The following SF1 variants were observed in gnomAD, a reference collection of about 807,000 sequenced individuals.
SF1 encodes the protein branch point-binding protein.
SF1 carries 7 observed loss-of-function variants against 62.5 expected under a neutral mutation model. That is an observed-to-expected ratio of 0.11 (90% CI 0.06 to 0.21). The LOEUF is 0.21. Among genes scored for constraint, SF1 ranks in the 10% least tolerant of loss-of-function variants. The pLI is 1.00. For missense variants in SF1, 578 were observed against 884.0 expected (o/e 0.65, Z 4.39); for synonymous variants, 394 against 323.6 (o/e 1.22, Z -2.33).
Position 64,765,574 on chromosome 11 carries a change from CAAAG to C in SF1, c.*240_*243del, listed in dbSNP as rs2058590220. 8.4e-6 allele frequency: 13 copies of C among 1,553,462 alleles called. No individual in the cohort carries two copies. The highest frequency in any genetic ancestry group is 6.9e-5 in the East Asian group (3 of 43,436). Reference sequence around the variant, plus strand: ...GAGTTGGGTGAGGAGAGAAAGAAGACAAAGAAGACACTCGATGCTACGGGGCGCC... The same window carrying C: ...GAGTTGGGTGAGGAGAGAAAGAAGACAAGACACTCGATGCTACGGGGCGCC... On this transcript the variant is annotated 3_prime_UTR_variant, in exon 13 of 13. Transcript: ENST00000377390.
chr11:64,766,366 G>A (rs1057442994), intron 12 of SF1: 3 of 584,692 alleles, frequency 5.1e-6, no homozygotes, highest in Non-Finnish European at 6.1e-6. Context: ...GCTTAACAGA[G>A]TAAGCCCTTT....
Position 64,765,443 on chromosome 11 carries a change from G to T in SF1, c.*375C>A. On this transcript the variant is annotated 3_prime_UTR_variant, in exon 13 of 13. Transcript: ENST00000377390. ...ACCAGGGGCGTTGCTGAGGCTGTCTGCCTGGAAGGGTCACCAATGGGCGCG... is the reference window on the plus strand; with the variant it reads ...ACCAGGGGCGTTGCTGAGGCTGTCTTCCTGGAAGGGTCACCAATGGGCGCG... 6.2e-7 allele frequency: 1 copy of T among 1,600,644 alleles called. No individual in the cohort carries two copies. The highest frequency in any genetic ancestry group is 8.6e-7 in the Non-Finnish European group (1 of 1,167,920).
rs924539463 is a variant in SF1 at position 64,778,506 on chromosome 11, C to T, written c.-114G>A. The T allele has an allele frequency of 1.1e-4, 133 of 1,192,126 alleles. No individual in the cohort carries two copies. Among genetic ancestry groups the T allele is most frequent in the Non-Finnish European group, 1.3e-4 (123 of 962,392 alleles). The allele number at this position is 1,192,126 out of a possible 1,614,324, so 73.8% of individuals were successfully genotyped here. A position where few individuals can be genotyped will look rare whatever the true frequency, so the allele number is the denominator to read the frequency against. On this transcript the variant is annotated 5_prime_UTR_variant, in exon 1 of 13. Coordinates refer to ENST00000377390, the MANE Select transcript of SF1 (RefSeq NM_004630.4). ...CGCTGCCGGAGCGCGCGGAGCCCGT[C>T]CTCTCACGCGGCGGGCGGCGGCGGC...
chr11:64,778,175 G>C (rs1456675009), intron 1 of SF1, 187 bp downstream of exon 1: 2 of 936,272 alleles, frequency 2.1e-6, no homozygotes, highest in Non-Finnish European at 2.7e-6. Flanking sequence ...GGGCGGCGGC[G>C]GAGGCGGCGG....
chr11:64,766,159 G>T lies in SF1; in HGVS notation c.1583-4C>A. 1 of 1,602,990 alleles carries T rather than the reference G, an allele frequency of 6.2e-7. No homozygotes were observed. On this transcript the variant is annotated splice_region_variant and splice_polypyrimidine_tract_variant and intron_variant, in intron 12 of 12. Transcript: ENST00000377390. ...CTCGTGGTGGTAGTCGTCGTATCTG[G>T]GGTGGTAAAGAAGCCCAAGGTCACA...
chr11:64,765,789 TATA>T lies in SF1; in HGVS notation c.*26_*28del. ...TTAAACGAGACCAATTCTCTCTATA[TATA>T]ATATATATTTTCTTAAAAAACAAGT... On this transcript the variant is annotated 3_prime_UTR_variant, in exon 13 of 13. Transcript: ENST00000377390. 1 of 1,519,168 alleles carries T rather than the reference TATA, an allele frequency of 6.6e-7. No individual in the cohort carries two copies. Among genetic ancestry groups the T allele is most frequent in the Non-Finnish European group, 8.8e-7 (1 of 1,135,478 alleles). The allele number at this position is 1,519,168 out of a possible 1,614,324, so 94.1% of individuals were successfully genotyped here. A position where few individuals can be genotyped will look rare whatever the true frequency, so the allele number is the denominator to read the frequency against.
intron 2 of SF1, 125 bp from the exon 3 acceptor site, chr11:64,773,630 T>C (rs1938660759): frequency 9.2e-7 from 1 of 1,092,134 alleles, no homozygotes; most frequent in Non-Finnish European, 1.3e-6. Context: ...GACTGATCAG[T>C]GAACACATTG....
intron 2 of SF1, 77 bp from the exon 3 acceptor site, chr11:64,773,582 A>C: frequency 6.7e-7 from 1 of 1,492,986 alleles, no homozygotes; most frequent in Non-Finnish European, 9.0e-7. Flanking sequence ...TCAAATCTCA[A>C]CAACAAGCAT....
rs755241821 is a variant in SF1 at position 64,765,926 on chromosome 11, C to CGGA, written c.1809_1811dup (p.Pro606dup). 6.1e-6 allele frequency: 9 copies of CGGA among 1,485,988 alleles called. No homozygotes were observed. In the South Asian group the frequency reaches 9.5e-5, roughly 16 times the overall value. The allele number at this position is 1,485,988 out of a possible 1,614,324, so 92.1% of individuals were successfully genotyped here. A position where few individuals can be genotyped will look rare whatever the true frequency, so the allele number is the denominator to read the frequency against. ...CAAAGTTAGAAGGGTCCATGGGAGGCGGAGGAGGAGGGGGCGGGGCATACA... is the reference window on the plus strand; with the variant it reads ...CAAAGTTAGAAGGGTCCATGGGAGGCGGAGGAGGAGGAGGGGGCGGGGCATACA... On this transcript the variant is annotated inframe_insertion, in exon 13 of 13. Coordinates refer to ENST00000377390, the MANE Select transcript of SF1 (RefSeq NM_004630.4).
At chr11:64,766,863 C>CCA in intron 12 of SF1, 37 bp downstream of exon 12, 8 of 372,614 alleles carry the variant, frequency 2.1e-5, no homozygotes, top group Non-Finnish European at 4.0e-5. Flanking sequence ...CCACCCCCAT[C>CCA]CCACCCACCC....
At chr11:64,768,967 A>G (rs1937832158) in intron 8 of SF1, 55 bp downstream of exon 8, 2 of 1,165,490 alleles carry the variant, frequency 1.7e-6, no homozygotes, top group African/African-American at 1.5e-5. Context: ...ATGTGCCAGA[A>G]AAGTTGTCCT....
intron 3 of SF1, chr11:64,771,556 C>T (rs1008164388): frequency 1.0e-6 from 1 of 985,316 alleles, no homozygotes; most frequent in African/African-American, 1.7e-5. Context: ...AACCATGTCA[C>T]ACCACGTTAC....
intron 2 of SF1, among the ~76,000 whole-genome samples, chr11:64,775,436 G>C (rs1308282768): frequency 3.3e-5 from 5 of 152,192 alleles, no homozygotes; most frequent in Non-Finnish European, 7.3e-5. Flanking sequence ...CAATGGAATG[G>C]GTGGGAGTAG....
At position 64,765,304 on chromosome 11, in the gene SF1, AG is replaced by A. The variant is rs1173150020; in HGVS notation, c.*513del. On this transcript the variant is annotated 3_prime_UTR_variant, in exon 13 of 13. Coordinates refer to ENST00000377390, the MANE Select transcript of SF1 (RefSeq NM_004630.4). ...GGAGTCTGAAGAAAGGAAAAGATAAAGAAGTAACAAAGGAAAAAGAAAAAAA... is the reference window on the plus strand; with the variant it reads ...GGAGTCTGAAGAAAGGAAAAGATAAAAAGTAACAAAGGAAAAAGAAAAAAA... The A allele has an allele frequency of 6.3e-6, 4 of 638,064 alleles. No homozygotes were observed. Among genetic ancestry groups the A allele is most frequent in the Non-Finnish European group, 1.1e-5 (4 of 352,210 alleles). The allele number at this position is 638,064 out of a possible 1,614,324, so 39.5% of individuals were successfully genotyped here.
At chr11:64,776,336 G>T in intron 2 of SF1, 162 bp downstream of exon 2, 1 of 704,484 alleles carries the variant, frequency 1.4e-6, no homozygotes, top group Non-Finnish European at 2.5e-6. Context: ...AGCTGCAAAT[G>T]CAGAACTCAC....
intron 2 of SF1, among the ~76,000 whole-genome samples, chr11:64,775,729 T>G (rs550613287): frequency 1.3e-5 from 2 of 152,196 alleles, no homozygotes; most frequent in African/African-American, 2.4e-5. Context: ...AAGATAAAAC[T>G]TGCATTAAAA....
rs1386990322 is a variant in SF1 at position 64,769,007 on chromosome 11, G to A, written c.887+15C>T. ...ATCGCAGGCTACCAGGAAACCGCAA[G>A]AGCCAGCCCCTCACCTTTGGAATTT... On this transcript the variant is annotated intron_variant, in intron 8 of 12. Coordinates refer to ENST00000377390, the MANE Select transcript of SF1 (RefSeq NM_004630.4). 1.9e-6 allele frequency: 3 copies of A among 1,582,528 alleles called. No homozygotes were observed. The highest frequency in any genetic ancestry group is 1.3e-5 in the African/African-American group (1 of 74,206).
chr11:64,776,681 C>G, intron 1 of SF1, 55 bp from the exon 2 acceptor site: 1 of 1,562,208 alleles, frequency 6.4e-7, no homozygotes, highest in Admixed American at 1.9e-5. Flanking sequence ...TATCAACAGA[C>G]AGCTAAGGGT....
At chr11:64,771,202 TTTCTCTCTCTCATTTTTTTA>T (rs1351024672) in intron 3 of SF1, among the ~76,000 whole-genome samples, 1 of 152,168 alleles carries the variant, frequency 6.6e-6, no homozygotes, top group African/African-American at 2.4e-5. Context: ...GAAAGCAGAT[TTTCTCTCTCTCATTTTTTTA>T]AGGAGTAAAA....
Sources: gnomAD v4.1 joint callset for allele counts (sites outside exome capture counted in the v4.1 genomes callset) on GRCh38, gnomAD v4.1.1 for gene constraint, MANE v1.5 for transcripts, NCBI Gene and HGNC (gene_info 2026-07-23, HGNC 2026-07-21) for gene names.